WWC1: variants seen among roughly 807,000 people sequenced by gnomAD.
WWC1 encodes the protein WW and C2 domain containing 1.
A neutral mutation model predicts 138.4 loss-of-function variants in WWC1; 55 were observed. That is an observed-to-expected ratio of 0.40 (90% CI 0.32 to 0.50). The LOEUF (loss-of-function observed/expected upper bound fraction) is 0.50, where lower values mean the gene tolerates loss of function less well. WWC1 is among the 20% of genes least tolerant of loss of function. WWC1 has a pLI of 0.72. For missense variants in WWC1, 1,226 were observed against 1,420.4 expected, an observed-to-expected ratio of 0.86 and a Z score of 2.20; for synonymous variants, 524 against 564.9, an observed-to-expected ratio of 0.93 and a Z score of 1.03.
chr5:168,376,134 A>T (rs1582084324), intron 2 of WWC1, among the ~76,000 whole-genome samples: 1 of 151,388 alleles, frequency 6.6e-6, no homozygotes, highest in South Asian at 2.1e-4. Context: ...GCTCACTGCA[A>T]CCTCCGCCTC....
chr5:168,445,187 G>A (rs1379753455), intron 17 of WWC1, among the ~76,000 whole-genome samples: 1 of 151,772 alleles, frequency 6.6e-6, no homozygotes, highest in Non-Finnish European at 1.5e-5. Flanking sequence ...GGTGGGGCAC[G>A]CCTGTAATCC....
intron 2 of WWC1, among the ~76,000 whole-genome samples, chr5:168,374,063 A>AAG (rs56162331): frequency 2.9e-4 from 42 of 144,072 alleles, no homozygotes; most frequent in East Asian, 6.1e-4. Context: ...AAAAAAAAAA[A>AAG]AGAGAGAGAG....
At chr5:168,363,670 A>G (rs779613483) in intron 1 of WWC1, among the ~76,000 whole-genome samples, 1 of 152,148 alleles carries the variant, frequency 6.6e-6, no homozygotes, top group Non-Finnish European at 1.5e-5. Context: ...AAATCGGGGT[A>G]TAAAACCTAA....
At chr5:168,449,513 C>T (rs190397775) in intron 17 of WWC1, among the ~76,000 whole-genome samples, 9 of 150,776 alleles carry the variant, frequency 6.0e-5, no homozygotes, top group African/African-American at 1.9e-4. Context: ...GTGGCTTCTA[C>T]AGAGGGCTTT....
At chr5:168,425,964 C>T (rs759668850) in intron 11 of WWC1, among the ~76,000 whole-genome samples, 1 of 152,184 alleles carries the variant, frequency 6.6e-6, no homozygotes, top group Admixed American at 6.5e-5. Context: ...CTACAAAAAG[C>T]TGGTGCTCCT....
chr5:168,443,685 G>C (rs1453314803), intron 16 of WWC1, among the ~76,000 whole-genome samples: 2 of 152,132 alleles, frequency 1.3e-5, no homozygotes, highest in East Asian at 3.9e-4. Flanking sequence ...ATCTTTCACA[G>C]TGCCTGCTAT....
At chr5:168,413,040 C>T (rs958446151) in intron 8 of WWC1, among the ~76,000 whole-genome samples, 3 of 152,158 alleles carry the variant, frequency 2.0e-5, no homozygotes, top group African/African-American at 4.8e-5. Context: ...TTTTGCTGCA[C>T]ATCATGGTAA....
Position 168,385,296 on chromosome 5 carries a change from G to A in WWC1, c.315G>A (p.Glu105=). 2 of 1,614,052 alleles carry A rather than the reference G, an allele frequency of 1.2e-6. No homozygotes were observed. Among genetic ancestry groups the A allele is most frequent in the Non-Finnish European group, 1.7e-6 (2 of 1,180,000 alleles). The change falls in exon 3 of 23, where the codon GAG becomes GAA. Residue 105 remains glutamate (E), a synonymous_variant. Transcript: ENST00000265293. ...AGGATTACCTGGTGGTGGCCCAGGA[G>A]GCTCTGAGTGCACAAAAGGAGATCT... ...MLKDYLVVAQ[E]ALSAQKEIYQ...
chr5:168,425,238 G>A (rs557863706), intron 11 of WWC1, among the ~76,000 whole-genome samples: 1 of 152,212 alleles, frequency 6.6e-6, no homozygotes, highest in South Asian at 2.1e-4. Context: ...AGTTCAGCAT[G>A]CACATTCATG....
intron 15 of WWC1, among the ~76,000 whole-genome samples, chr5:168,434,712 C>T (rs1782224237): frequency 6.6e-6 from 1 of 152,204 alleles, no homozygotes; most frequent in Non-Finnish European, 1.5e-5. Context: ...ACCCAGATTA[C>T]AGGTTTGGAG....
intron 2 of WWC1, among the ~76,000 whole-genome samples, chr5:168,374,081 A>G (rs1354718460): frequency 6.6e-6 from 1 of 151,192 alleles, no homozygotes; most frequent in Non-Finnish European, 1.5e-5. Flanking sequence ...GAGGTATAGC[A>G]CAATATAATC....
At chr5:168,297,851 T>C (rs900804399) in intron 1 of WWC1, among the ~76,000 whole-genome samples, 2 of 152,160 alleles carry the variant, frequency 1.3e-5, no homozygotes, top group Admixed American at 6.5e-5. Flanking sequence ...TCGTTTTTGA[T>C]TGTATAGACC....
intron 1 of WWC1, among the ~76,000 whole-genome samples, chr5:168,302,663 G>T (rs968594951): frequency 1.5e-4 from 23 of 152,302 alleles, no homozygotes; most frequent in African/African-American, 5.3e-4. Flanking sequence ...ACAAATTAGT[G>T]AGAGGCACAG....
At chr5:168,300,715 C>T (rs1175058104) in intron 1 of WWC1, among the ~76,000 whole-genome samples, 1 of 152,070 alleles carries the variant, frequency 6.6e-6, no homozygotes, top group Non-Finnish European at 1.5e-5. Context: ...TTTCCCCAGT[C>T]GGCTGCCTGC....
chr5:168,468,497 T>A lies in WWC1; in HGVS notation c.3276-454T>A, dbSNP rs574017464. Among the ~76,000 whole-genome samples, 1,418 of 145,316 alleles carry A rather than the reference T, an allele frequency of 9.8e-3. 28 individuals carry two copies. Among genetic ancestry groups the A allele is most frequent in the African/African-American group, 0.034 (1,327 of 39,088 alleles). On this transcript the variant is annotated intron_variant, in intron 22 of 22. Coordinates refer to ENST00000265293, the MANE Select transcript of WWC1 (RefSeq NM_015238.3). ...GGTACACATGTTTGTGTATGTGCTT[T>A]AAAAAAAAAAAAATTCCTTTGTGGA...
chr5:168,321,534 CT>C (rs575822782), intron 1 of WWC1, among the ~76,000 whole-genome samples: 4,563 of 137,656 alleles, frequency 0.033, 166 homozygotes, highest in African/African-American at 0.11. Flanking sequence ...GGGCAATATC[CT>C]TTTTTTTTTT....
rs202012790 is a variant in WWC1 at position 168,366,802 on chromosome 5, C to CTTTT, written c.120-4600_120-4597dup. Among the ~76,000 whole-genome samples, 512 of 100,532 alleles carry CTTTT rather than the reference C, an allele frequency of 5.1e-3. 5 individuals are homozygous for CTTTT. The highest frequency in any genetic ancestry group is 8.8e-3 in the Middle Eastern group (1 of 114). 66.0% of individuals were successfully genotyped at this position (100,532 alleles called of 152,430 possible). ...CATTTGTATTAATGACTTTGAAACA[C>CTTTT]TTTTTTTTTTTTTTTTTTTTTTTTT... is the stretch of plus-strand genomic sequence containing the variant. On this transcript the variant is annotated intron_variant, in intron 1 of 22. Transcript: ENST00000265293.
chr5:168,324,687 C>G (rs988933954), intron 1 of WWC1, among the ~76,000 whole-genome samples: 1 of 151,588 alleles, frequency 6.6e-6, no homozygotes, highest in African/African-American at 2.4e-5. Context: ...AGACTTAAAT[C>G]CAGCTATATC....
intron 17 of WWC1, among the ~76,000 whole-genome samples, chr5:168,447,287 G>A (rs894684949): frequency 6.6e-6 from 1 of 152,156 alleles, no homozygotes; most frequent in South Asian, 2.1e-4. Flanking sequence ...GTCTCAGGCG[G>A]CGCCCTCCCG....
Sources: gnomAD v4.1 joint callset for allele counts (sites outside exome capture counted in the v4.1 genomes callset) on GRCh38, gnomAD v4.1.1 for gene constraint, MANE v1.5 for transcripts, NCBI Gene and HGNC (gene_info 2026-07-23, HGNC 2026-07-21) for gene names.